PCDHGB3: variants seen among roughly 807,000 people sequenced by gnomAD.
PCDHGB3 encodes the protein protocadherin gamma subfamily B, 3.
Under a neutral mutation model 59.2 loss-of-function variants are expected in PCDHGB3, and 40 were observed. The ratio of observed to expected loss-of-function variants is 0.68; its 90% CI spans 0.52 to 0.88. The LOEUF is 0.88. Ranked by LOEUF, PCDHGB3 falls within the 40% of genes least tolerant of loss-of-function variation. The probability of loss-of-function intolerance (pLI) is 0.00; values close to 1 mark genes in which losing one functional copy is unlikely to be tolerated. For synonymous variants in PCDHGB3, 581 were observed against 503.6 expected (o/e 1.15, Z -2.06); for missense variants, 1,309 against 1,187.9 (o/e 1.10, Z -1.50).
intron 1 of PCDHGB3, among the ~76,000 whole-genome samples, chr5:141,471,046 CTTTT>C (rs1170588345): frequency 5.3e-5 from 6 of 113,264 alleles, no homozygotes; most frequent in Admixed American, 9.3e-5. Context: ...CCCAAGCCCT[CTTTT>C]TTTTTTTTTT....
At chr5:141,428,102 G>A (rs774075619) in intron 1 of PCDHGB3, 1 of 1,608,518 alleles carries the variant, frequency 6.2e-7, no homozygotes, top group Non-Finnish European at 8.5e-7. Context: ...CCTACCACGT[G>A]CTGCAGGCCA....
At chr5:141,462,043 G>C (rs1310987622) in intron 1 of PCDHGB3, among the ~76,000 whole-genome samples, 1 of 152,100 alleles carries the variant, frequency 6.6e-6, no homozygotes, top group Non-Finnish European at 1.5e-5. Flanking sequence ...GGCGGGTCTT[G>C]AACTCCCGAC....
At chr5:141,471,495 T>A (rs539663010) in intron 1 of PCDHGB3, 1 of 152,318 alleles carries the variant, frequency 6.6e-6, no homozygotes, top group East Asian at 1.9e-4. Flanking sequence ...ATTTAGGGAA[T>A]GCAAGAGAGG....
In PCDHGB3 at chr5:141,485,778, G is replaced by A. The variant is rs575586552; in HGVS notation, c.2416-9029G>A. On this transcript the variant is annotated intron_variant, in intron 1 of 3. Coordinates refer to ENST00000576222, the MANE Select transcript of PCDHGB3 (RefSeq NM_018924.5). The surrounding 1 kb of genome is among the most constrained non-coding windows in gnomAD (Gnocchi z 5.7). ...CTGCTCCTGGAGAAGCCTTTGGATC[G>A]AGAGAAGCAATCGGACTACCGCCTG... is the stretch of plus-strand genomic sequence containing the variant. The A allele has an allele frequency of 1.2e-6, 2 of 1,614,216 alleles. No individual in the cohort carries two copies. Among genetic ancestry groups the A allele is most frequent in the Admixed American group, 1.7e-5 (1 of 60,028 alleles).
At position 141,487,249 on chromosome 5, in the gene PCDHGB3, C is replaced by T. The variant is rs757148469; in HGVS notation, c.2416-7558C>T. ...AAGGAGAATCTCGTCTAACCCTCTACTTGGCTGTGTCCCTAGTGGCAATTT... is the reference window on the plus strand; with the variant it reads ...AAGGAGAATCTCGTCTAACCCTCTATTTGGCTGTGTCCCTAGTGGCAATTT... On this transcript the variant is annotated intron_variant, in intron 1 of 3. Coordinates refer to ENST00000576222, the MANE Select transcript of PCDHGB3 (RefSeq NM_018924.5). The surrounding 1 kb of genome is among the most constrained non-coding windows in gnomAD (Gnocchi z 5.0). 2.5e-6 allele frequency: 4 copies of T among 1,614,164 alleles called. No homozygotes were observed. In the South Asian group the frequency reaches 4.4e-5, roughly 18 times the overall value.
intron 1 of PCDHGB3, chr5:141,378,543 A>G (rs1328752937): frequency 6.6e-6 from 1 of 152,122 alleles, no homozygotes; most frequent in East Asian, 1.9e-4. Context: ...AATGATAATT[A>G]ATAAATAAAG....
intron 3 of PCDHGB3, among the ~76,000 whole-genome samples, chr5:141,510,415 C>G (rs2099881071): frequency 6.6e-6 from 1 of 152,082 alleles, no homozygotes; most frequent in Admixed American, 6.5e-5. Flanking sequence ...GCATGTAAAG[C>G]CATGGTTTCA....
intron 1 of PCDHGB3, chr5:141,373,848 C>T (rs955090382): frequency 2.0e-5 from 9 of 446,824 alleles, no homozygotes; most frequent in Non-Finnish European, 3.5e-5. Flanking sequence ...GGACTCTAAG[C>T]GTCGCTGTTG....
intron 1 of PCDHGB3, among the ~76,000 whole-genome samples, chr5:141,386,466 A>G (rs1317226366): frequency 3.9e-5 from 6 of 152,122 alleles, no homozygotes; most frequent in Non-Finnish European, 8.8e-5. Context: ...GCTTGAACCC[A>G]AGAATTGGAG....
At chr5:141,392,575 T>C (rs1185769260) in intron 1 of PCDHGB3, 2 of 459,466 alleles carry the variant, frequency 4.4e-6, no homozygotes, top group Non-Finnish European at 7.7e-6. Flanking sequence ...TATTTAGGAC[T>C]GTAAGCGCCG....
intron 1 of PCDHGB3, among the ~76,000 whole-genome samples, chr5:141,472,924 T>G (rs1247655318): frequency 2.0e-5 from 3 of 147,960 alleles, no homozygotes; most frequent in African/African-American, 7.5e-5. Flanking sequence ...AGGAGGAGGT[T>G]GTGGTGAGCC....
At position 141,486,348 on chromosome 5, in the gene PCDHGB3, A is replaced by G. The variant is rs754981437; in HGVS notation, c.2416-8459A>G. ...GATGTGAGCCTCCGCATTCCTGACC[A>G]CTTGCCATTTGCCCTCAAGTCTGCC... is the stretch of plus-strand genomic sequence containing the variant. On this transcript the variant is annotated intron_variant, in intron 1 of 3. Transcript: ENST00000576222. The surrounding 1 kb of genome is among the most constrained non-coding windows in gnomAD (Gnocchi z 5.0). 1.9e-6 allele frequency: 3 copies of G among 1,613,900 alleles called. No individual in the cohort carries two copies. The highest frequency in any genetic ancestry group is 2.5e-6 in the Non-Finnish European group (3 of 1,179,996).
chr5:141,385,411 G>A, intron 1 of PCDHGB3: 1 of 1,474,668 alleles, frequency 6.8e-7, no homozygotes, highest in East Asian at 2.4e-5. Context: ...TTTGAAAATA[G>A]GGATTTAAAA....
intron 1 of PCDHGB3, among the ~76,000 whole-genome samples, chr5:141,466,863 C>A (rs1409042461): frequency 1.3e-5 from 2 of 152,070 alleles, no homozygotes; most frequent in African/African-American, 4.8e-5. Context: ...ATTTTGAAAT[C>A]CACACATTTT....
At chr5:141,418,201 A>G (rs2096236241) in intron 1 of PCDHGB3, 1 of 1,614,020 alleles carries the variant, frequency 6.2e-7, no homozygotes, top group Non-Finnish European at 8.5e-7. Flanking sequence ...AAAATCCTTT[A>G]AATATTTTTC....
chr5:141,388,144 G>A (rs1327741980), intron 1 of PCDHGB3: 2 of 1,458,202 alleles, frequency 1.4e-6, no homozygotes, highest in Non-Finnish European at 9.5e-7. Flanking sequence ...TTGCTTGTGA[G>A]CAGCAGGCTA....
At chr5:141,408,003 C>G in intron 1 of PCDHGB3, 1 of 917,520 alleles carries the variant, frequency 1.1e-6, no homozygotes, top group Non-Finnish European at 1.6e-6. Flanking sequence ...GCCTGGGATT[C>G]CCTGCGCAGC....
chr5:141,387,209 T>A lies in PCDHGB3; in HGVS notation c.2415+14400T>A, dbSNP rs911946032. Among the ~76,000 whole-genome samples, 3 of 152,170 alleles carry A rather than the reference T, an allele frequency of 2.0e-5. No individual in the cohort carries two copies. In the South Asian group the frequency reaches 6.2e-4, roughly 31 times the overall value. On this transcript the variant is annotated intron_variant, in intron 1 of 3. Coordinates refer to ENST00000576222, the MANE Select transcript of PCDHGB3 (RefSeq NM_018924.5). ...GGCAATTTTGGTATTACTGATACTC[T>A]CCGGAAAAAGTTGAAATAAATCAAC...
At chr5:141,385,006 G>A (rs762264055) in intron 1 of PCDHGB3, 10 of 1,613,972 alleles carry the variant, frequency 6.2e-6, no homozygotes, top group East Asian at 2.2e-5. Context: ...AGTCTCCTGC[G>A]TCTTCCTAGC....
Sources: allele counts gnomAD v4.1 joint callset (sites outside exome capture counted in the v4.1 genomes callset), GRCh38; gene constraint gnomAD v4.1.1; non-coding constraint Gnocchi (gnomAD v3.1); transcripts MANE v1.5; gene names NCBI Gene and HGNC (gene_info 2026-07-23, HGNC 2026-07-21).